The following SAMD12 variants were observed in gnomAD, a reference collection of about 807,000 sequenced individuals.
SAMD12 encodes sterile alpha motif domain containing 12.
In SAMD12, 9 loss-of-function variants were observed where a neutral mutation model predicts 15.0. That is an observed-to-expected ratio of 0.60 (90% confidence interval 0.36 to 1.05). SAMD12 has a LOEUF of 1.05. Ranked by LOEUF, SAMD12 falls within the 50% of genes least tolerant of loss-of-function variation. SAMD12 has a pLI of 0.01. For missense variants in SAMD12, 230 were observed against 234.2 expected (o/e 0.98, Z 0.12); for synonymous variants, 86 against 90.1 (o/e 0.96, Z 0.25).
chr8:118,534,171 G>T (rs1825768266), intron 2 of SAMD12, among the ~76,000 whole-genome samples: 1 of 152,114 alleles, frequency 6.6e-6, no homozygotes, highest in South Asian at 2.1e-4. Flanking sequence ...TTGCTTGTCT[G>T]TAAAGTATTT....
intron 1 of SAMD12, among the ~76,000 whole-genome samples, chr8:118,604,588 GT>G (rs1482347434): frequency 2.0e-5 from 3 of 152,162 alleles, no homozygotes; most frequent in Non-Finnish European, 4.4e-5. Flanking sequence ...GAAAACGATG[GT>G]TGGAAAACCT....
intron 2 of SAMD12, among the ~76,000 whole-genome samples, chr8:118,441,081 G>A (rs531610845): frequency 3.3e-5 from 5 of 152,216 alleles, no homozygotes; most frequent in African/African-American, 1.2e-4. Flanking sequence ...TTTGGTAGGA[G>A]TGTGATTGTA....
At chr8:118,399,962 C>T (rs955503235) in intron 3 of SAMD12, among the ~76,000 whole-genome samples, 7 of 152,108 alleles carry the variant, frequency 4.6e-5, no homozygotes, top group African/African-American at 1.7e-4. Flanking sequence ...GTGGCCTCTG[C>T]AATACATAAT....
chr8:118,333,146 C>T (rs1816882151), intron 4 of SAMD12, among the ~76,000 whole-genome samples: 1 of 152,188 alleles, frequency 6.6e-6, no homozygotes, highest in Admixed American at 6.5e-5. Flanking sequence ...CTCCTTCCCT[C>T]ACTCACATAT....
chr8:118,469,448 C>A, intron 2 of SAMD12, among the ~76,000 whole-genome samples: 1 of 109,412 alleles, frequency 9.1e-6, no homozygotes, highest in Non-Finnish European at 1.8e-5. Flanking sequence ...AGGGATCTAG[C>A]CCACAAGTAT....
chr8:118,609,793 A>T (rs546953161), intron 1 of SAMD12, among the ~76,000 whole-genome samples: 9 of 152,154 alleles, frequency 5.9e-5, no homozygotes, highest in Admixed American at 5.2e-4. Flanking sequence ...ACAAATCCAT[A>T]TAGTAACCTC....
At position 118,616,432 on chromosome 8, in the gene SAMD12, C is replaced by G. The variant is rs114922139; in HGVS notation, c.13+5372G>C. ...GGTACATTCATAATGATGTTCCCAA[C>G]AAGAAAAGGTAGTTAGGAAAGCATA... On this transcript the variant is annotated intron_variant, in intron 1 of 3. Coordinates refer to ENST00000314727, the MANE Select transcript of SAMD12 (RefSeq NM_207506.3). Among the ~76,000 whole-genome samples the G allele has an allele frequency of 1.1e-4, 17 of 152,280 alleles. No homozygotes were observed. The East Asian group carries it at 1.2e-3, about 10-fold the overall frequency.
At chr8:118,432,114 TTC>T (rs1241109324) in intron 3 of SAMD12, among the ~76,000 whole-genome samples, 1 of 152,182 alleles carries the variant, frequency 6.6e-6, no homozygotes, top group Non-Finnish European at 1.5e-5. Flanking sequence ...TTAGTTCCAC[TTC>T]TCTGTTACAT....
chr8:118,432,523 T>G (rs1322264117), intron 3 of SAMD12, among the ~76,000 whole-genome samples: 1 of 152,240 alleles, frequency 6.6e-6, no homozygotes, highest in African/African-American at 2.4e-5. Flanking sequence ...AAACAGGACC[T>G]AGGGGTGTGT....
intron 2 of SAMD12, among the ~76,000 whole-genome samples, chr8:118,463,193 G>T (rs1371894659): frequency 6.6e-6 from 1 of 150,924 alleles, no homozygotes. Flanking sequence ...CTTCTTTCCA[G>T]ACCAAGAAAC....
At chr8:118,426,155 A>T (rs1278501041) in intron 3 of SAMD12, among the ~76,000 whole-genome samples, 4 of 152,204 alleles carry the variant, frequency 2.6e-5, no homozygotes, top group Non-Finnish European at 5.9e-5. Flanking sequence ...TTATCAATTC[A>T]CTAATTATTG....
chr8:118,189,540 T>C (rs1308678802), exon 5 of SAMD12: 1 of 152,112 alleles, frequency 6.6e-6, no homozygotes, highest in African/African-American at 2.4e-5. Context: ...AATAGTCAAA[T>C]ATACAAAATG....
At chr8:118,381,510 T>C (rs1013115217) in intron 3 of SAMD12, among the ~76,000 whole-genome samples, 4 of 152,132 alleles carry the variant, frequency 2.6e-5, no homozygotes, top group African/African-American at 9.7e-5. Context: ...GATCTTGAGA[T>C]GGGAGAGTAT....
chr8:118,309,533 G>T (rs1410720264), intron 4 of SAMD12, among the ~76,000 whole-genome samples: 2 of 152,054 alleles, frequency 1.3e-5, no homozygotes, highest in African/African-American at 4.8e-5. Flanking sequence ...TTCATATAAT[G>T]ACTTCTTTTC....
intron 4 of SAMD12, among the ~76,000 whole-genome samples, chr8:118,311,978 C>T (rs956040910): frequency 2.0e-4 from 30 of 152,296 alleles, no homozygotes; most frequent in Admixed American, 9.8e-4. Context: ...CTTCAGTGTT[C>T]CGTCTTTACT....
intron 4 of SAMD12, among the ~76,000 whole-genome samples, chr8:118,201,250 C>A (rs1454338633): frequency 6.6e-6 from 1 of 152,194 alleles, no homozygotes; most frequent in Non-Finnish European, 1.5e-5. Flanking sequence ...CCTTCTGGCT[C>A]TGCATATGTG....
intron 2 of SAMD12, among the ~76,000 whole-genome samples, chr8:118,535,359 C>T (rs559835550): frequency 2.0e-4 from 30 of 152,324 alleles, no homozygotes; most frequent in African/African-American, 7.0e-4. Flanking sequence ...TCTGCCCCTA[C>T]TGGAAGATGC....
At chr8:118,168,962 A>G in the SAMD12 span, among the ~76,000 whole-genome samples, 3 of 152,228 alleles carry the variant, frequency 2.0e-5, no homozygotes, top group Non-Finnish European at 2.9e-5. Context: ...ATCACCCTTA[A>G]CACATTCAAA....
chr8:118,498,070 C>T lies in SAMD12; in HGVS notation c.193-58109G>A, dbSNP rs557537202. On this transcript the variant is annotated intron_variant, in intron 2 of 3. Coordinates refer to ENST00000314727, the MANE Select transcript of SAMD12 (RefSeq NM_207506.3). ...GAACAGGAAGCAGATAATTAACGAACTGAAACAAGGCAAGGCATGTGTTAT... is the reference window on the plus strand; with the variant it reads ...GAACAGGAAGCAGATAATTAACGAATTGAAACAAGGCAAGGCATGTGTTAT... 1.0e-3 allele frequency among the ~76,000 whole-genome samples: 154 copies of T among 152,250 alleles called. 1 individual carries two copies. The highest frequency in any genetic ancestry group is 3.6e-3 in the African/African-American group (149 of 41,546).
Sources: allele counts gnomAD v4.1 joint callset (sites outside exome capture counted in the v4.1 genomes callset), GRCh38; gene constraint gnomAD v4.1.1; transcripts MANE v1.5; gene names NCBI Gene and HGNC (gene_info 2026-07-23, HGNC 2026-07-21).